Variants in TLE4 observed in about 807,000 individuals in gnomAD.
TLE4 encodes transducin-like enhancer protein 4.
TLE4 carries 8 observed loss-of-function variants against 92.8 expected under a neutral mutation model. The observed-to-expected ratio is 0.09, with a 90% CI of 0.05 to 0.16. The LOEUF is 0.16. Ranked by LOEUF, TLE4 falls within the 10% of genes least tolerant of loss-of-function variation. The pLI is 1.00. For synonymous variants in TLE4, 371 were observed against 374.1 expected, an observed-to-expected ratio of 0.99 and a Z score of 0.10; for missense variants, 675 against 997.6, an observed-to-expected ratio of 0.68 and a Z score of 4.36.
In TLE4 at chr9:79,597,005, A is replaced by G. The variant is rs536794444; in HGVS notation, c.253-15651A>G. Among the ~76,000 whole-genome samples the G allele has an allele frequency of 1.8e-4, 28 of 152,280 alleles. No individual in the cohort carries two copies. The South Asian group carries it at 5.8e-3, about 32-fold the overall frequency. On this transcript the variant is annotated intron_variant, in intron 4 of 19. Transcript: ENST00000376552. ...CCATGCCTTTCCATAATTGTCCCCT[A>G]ACCAAATCTTGACACGAGCCTGTGA...
chr9:79,718,292 A>G (rs1005873377), intron 14 of TLE4, among the ~76,000 whole-genome samples: 1 of 152,218 alleles, frequency 6.6e-6, no homozygotes, highest in African/African-American at 2.4e-5. Flanking sequence ...CTTGCCGGGA[A>G]TGAATTGATC....
In TLE4 at chr9:79,720,335, G is replaced by A. The variant is rs371787852; in HGVS notation, c.1838+42G>A. 86 of 1,577,344 alleles carry A rather than the reference G, an allele frequency of 5.5e-5. 1 individual carries two copies. In the African/African-American group the frequency reaches 7.7e-4, roughly 14 times the overall value. ...TGTTACCAGGTTGTGAGGAGGAGCC[G>A]ATTTTACCATATTTTGCCAAAGTGC... On this transcript the variant is annotated intron_variant, in intron 16 of 19. Coordinates refer to ENST00000376552, the MANE Select transcript of TLE4 (RefSeq NM_007005.6).
intron 11 of TLE4, among the ~76,000 whole-genome samples, chr9:79,707,889 G>A (rs1055561838): frequency 6.6e-6 from 1 of 152,170 alleles, no homozygotes; most frequent in Non-Finnish European, 1.5e-5. Flanking sequence ...GAAATGAGCT[G>A]CTCTCCTCTA....
intron 8 of TLE4, chr9:79,668,818 A>G (rs920088526): frequency 1.6e-5 from 16 of 985,390 alleles, no homozygotes; most frequent in Non-Finnish European, 1.9e-5. Context: ...ATTCAAATGG[A>G]GAGTAGCTCA....
intron 8 of TLE4, among the ~76,000 whole-genome samples, chr9:79,693,294 C>T (rs1405019839): frequency 1.3e-5 from 2 of 152,098 alleles, no homozygotes; most frequent in African/African-American, 4.8e-5. Context: ...GGCAGAATCT[C>T]CCCCACCCAA....
In TLE4 at chr9:79,708,023, CT is replaced by C. The variant is rs1325650912; in HGVS notation, c.937-91del. On this transcript the variant is annotated intron_variant, in intron 11 of 19. Coordinates refer to ENST00000376552, the MANE Select transcript of TLE4 (RefSeq NM_007005.6). ...CCAAGCTGAAGAACCTCTTCCATTT[CT>C]TTTCCTCCTTTCCTTTTCTTTACCT... is the stretch of plus-strand genomic sequence containing the variant. The C allele has an allele frequency of 8.3e-6, 11 of 1,331,868 alleles. No individual in the cohort carries two copies. The Admixed American group carries it at 1.9e-4, about 23-fold the overall frequency. The allele number at this position is 1,331,868 out of a possible 1,614,324, so 82.5% of individuals were successfully genotyped here. A position where few individuals can be genotyped will look rare whatever the true frequency, so the allele number is the denominator to read the frequency against.
At chr9:79,628,488 C>G (rs572954766) in intron 6 of TLE4, among the ~76,000 whole-genome samples, 1 of 151,918 alleles carries the variant, frequency 6.6e-6, no homozygotes, top group South Asian at 2.1e-4. Context: ...AATCAGAACT[C>G]TGGGATCACT....
chr9:79,715,198 A>T (rs530912302), intron 14 of TLE4, among the ~76,000 whole-genome samples: 301 of 152,298 alleles, frequency 2.0e-3, no homozygotes, highest in African/African-American at 6.5e-3. Context: ...AGTGCTCTTT[A>T]ATAACCATTT....
intron 8 of TLE4, among the ~76,000 whole-genome samples, chr9:79,686,296 A>G (rs921076202): frequency 1.3e-5 from 2 of 152,188 alleles, no homozygotes; most frequent in Admixed American, 1.3e-4. Flanking sequence ...AGGCATATTA[A>G]TCTTTTTAAA....
intron 6 of TLE4, among the ~76,000 whole-genome samples, chr9:79,633,287 C>T (rs1407716609): frequency 6.6e-6 from 1 of 152,140 alleles, no homozygotes; most frequent in African/African-American, 2.4e-5. Flanking sequence ...GATGTGCTCT[C>T]CGTTATTTTC....
intron 6 of TLE4, among the ~76,000 whole-genome samples, chr9:79,644,273 C>T (rs1320179895): frequency 6.6e-6 from 1 of 152,092 alleles, no homozygotes; most frequent in African/African-American, 2.4e-5. Context: ...TCCCCTTCCA[C>T]CATGATTTTA....
intron 8 of TLE4, among the ~76,000 whole-genome samples, chr9:79,669,669 CT>C (rs2061950938): frequency 6.6e-6 from 1 of 152,170 alleles, no homozygotes; most frequent in Admixed American, 6.6e-5. Flanking sequence ...TTGGATTCCC[CT>C]CTGCTACTGG....
chr9:79,602,673 G>A (rs762852655), intron 4 of TLE4, among the ~76,000 whole-genome samples: 2 of 152,164 alleles, frequency 1.3e-5, no homozygotes, highest in Admixed American at 6.5e-5. Context: ...TCACCCAAGA[G>A]CTCTGATGGA....
intron 8 of TLE4, among the ~76,000 whole-genome samples, chr9:79,688,455 C>T (rs566890354): frequency 2.0e-5 from 3 of 152,142 alleles, no homozygotes; most frequent in South Asian, 4.1e-4. Flanking sequence ...TGTCTTGTTG[C>T]TGTCAGTGCA....
At chr9:79,666,220 T>TTTG (rs1564761019) in intron 8 of TLE4, among the ~76,000 whole-genome samples, 1 of 43,814 alleles carries the variant, frequency 2.3e-5, no homozygotes, top group African/African-American at 5.3e-5. Flanking sequence ...TTTTTTTGTT[T>TTTG]TTTTTTTTTT....
chr9:79,656,312 C>G (rs1393909555), intron 8 of TLE4, among the ~76,000 whole-genome samples: 1 of 152,080 alleles, frequency 6.6e-6, no homozygotes, highest in East Asian at 1.9e-4. Flanking sequence ...TCAGCCAGAG[C>G]GTGCCAGTTG....
intron 9 of TLE4, among the ~76,000 whole-genome samples, 153 bp downstream of exon 9, chr9:79,705,055 T>C (rs779342678): frequency 3.3e-5 from 5 of 152,210 alleles, no homozygotes; most frequent in Non-Finnish European, 5.9e-5. Context: ...TCTGTAGCCA[T>C]TGGCTAGCTG....
rs527962278 is a variant in TLE4 at position 79,672,614 on chromosome 9, G to A, written c.609+18539G>A. On this transcript the variant is annotated intron_variant, in intron 8 of 19. Transcript: ENST00000376552. ...TTAGAGAAGTGGAATCTTCACCAAA[G>A]GCCCAAGAAGCCTTTGTGGGGTCAG... Among the ~76,000 whole-genome samples, 164 of 152,200 alleles carry A rather than the reference G, an allele frequency of 1.1e-3. 3 individuals are homozygous for A. The South Asian group carries it at 0.033, about 30-fold the overall frequency.
At chr9:79,616,417 T>C (rs1186369615) in intron 5 of TLE4, among the ~76,000 whole-genome samples, 3 of 152,202 alleles carry the variant, frequency 2.0e-5, no homozygotes, top group African/African-American at 7.2e-5. Context: ...AAGCACCTAC[T>C]GCCGTTGACT....
Sources: allele counts gnomAD v4.1 joint callset (sites outside exome capture counted in the v4.1 genomes callset), GRCh38; gene constraint gnomAD v4.1.1; transcripts MANE v1.5; gene names NCBI Gene and HGNC (gene_info 2026-07-23, HGNC 2026-07-21).